The following PIEZO2 variants were observed in gnomAD, a reference collection of about 807,000 sequenced individuals.
PIEZO2 encodes the protein piezo type mechanosensitive ion channel component 2.
In PIEZO2, 172 loss-of-function variants were observed where a neutral mutation model predicts 337.3. The observed-to-expected ratio is 0.51, with a 90% confidence interval of 0.45 to 0.58. PIEZO2 has a LOEUF of 0.58. Among genes scored for constraint, PIEZO2 ranks in the 20% least tolerant of loss-of-function variants. PIEZO2 has a pLI of 0.00. For synonymous variants in PIEZO2, 1,251 were observed against 1,228.5 expected, an observed-to-expected ratio of 1.02 and a Z score of -0.38; for missense variants, 3,028 against 3,391.3, an observed-to-expected ratio of 0.89 and a Z score of 2.66.
At chr18:10,755,921 G>A (rs140131649) in intron 27 of PIEZO2, among the ~76,000 whole-genome samples, 1,942 of 151,526 alleles carry the variant, frequency 0.013, 52 homozygotes, top group African/African-American at 0.044. Context: ...TGAGGAGGAG[G>A]GATGGGGGAT....
chr18:10,989,759 GATAAATT>G (rs1195562326), intron 2 of PIEZO2, among the ~76,000 whole-genome samples: 3 of 152,070 alleles, frequency 2.0e-5, no homozygotes, highest in Non-Finnish European at 2.9e-5. Flanking sequence ...AGCTATTGTA[GATAAATT>G]ATAACTAAAT....
intron 7 of PIEZO2, among the ~76,000 whole-genome samples, chr18:10,827,370 A>G (rs1388352545): frequency 6.6e-6 from 1 of 152,212 alleles, no homozygotes; most frequent in African/African-American, 2.4e-5. Flanking sequence ...TAGTAACTAC[A>G]AAGACTTTTG....
chr18:11,097,397 G>A lies in PIEZO2; in HGVS notation c.65-31175C>T, dbSNP rs548872157. ...CAACAGAGCCGGCGTGCTGTGCAAC[G>A]CCTGACTCATTAACTGCCCGGCCCC... On this transcript the variant is annotated intron_variant, in intron 1 of 55. Transcript: ENST00000674853. The surrounding 1 kb of genome is among the most constrained non-coding windows in gnomAD (Gnocchi z 5.0). Among the ~76,000 whole-genome samples the A allele has an allele frequency of 4.9e-4, 75 of 152,280 alleles. No homozygotes were observed. The highest frequency in any genetic ancestry group is 1.4e-3 in the East Asian group (7 of 5,172).
chr18:10,916,107 AG>A (rs1352422660), intron 3 of PIEZO2, among the ~76,000 whole-genome samples: 2 of 152,106 alleles, frequency 1.3e-5, no homozygotes, highest in African/African-American at 4.8e-5. Context: ...CTAGACACAG[AG>A]CACTGATTGG....
At chr18:10,769,541 A>T (rs900580299) in intron 21 of PIEZO2, among the ~76,000 whole-genome samples, 3 of 151,906 alleles carry the variant, frequency 2.0e-5, no homozygotes, top group Non-Finnish European at 4.4e-5. Context: ...ATTGTAACCA[A>T]CTCAGAAATA....
At chr18:10,752,344 G>A (rs1386252631) in intron 28 of PIEZO2, among the ~76,000 whole-genome samples, 4 of 152,160 alleles carry the variant, frequency 2.6e-5, no homozygotes, top group Non-Finnish European at 5.9e-5. Flanking sequence ...ATGACAAATT[G>A]TTCCTCAGAA....
rs2033794998 is a variant in PIEZO2 at position 10,671,868 on chromosome 18, C to T, written c.8346-89G>A. The T allele has an allele frequency of 4.2e-6, 5 of 1,195,340 alleles. No individual in the cohort carries two copies. The Admixed American group carries it at 1.4e-4, about 33-fold the overall frequency. The allele number at this position is 1,195,340 out of a possible 1,614,324, so 74.0% of individuals were successfully genotyped here. A position where few individuals can be genotyped will look rare whatever the true frequency, so the allele number is the denominator to read the frequency against. ...GTCTAAAAGAAAAAAATATTACTTT[C>T]CCTCAAATTCTGTAGAAGAAATAAG... On this transcript the variant is annotated intron_variant, in intron 55 of 55. Transcript: ENST00000674853.
intron 39 of PIEZO2, among the ~76,000 whole-genome samples, chr18:10,712,481 C>T (rs55700197): frequency 0.013 from 2,045 of 152,234 alleles, 55 homozygotes; most frequent in African/African-American, 0.045. Context: ...CATCTGGAAG[C>T]TTCTAAATAG....
chr18:10,903,135 G>T lies in PIEZO2; in HGVS notation c.329+8051C>A, dbSNP rs1488724858. On this transcript the variant is annotated intron_variant, in intron 4 of 55. Transcript: ENST00000674853. This position sits in a 1 kb window ranked among gnomAD's most constrained non-coding sequence, Gnocchi z 4.1. ...ACGCTGACAGTCAATTATTCACCAA[G>T]TTGTAACTTCGAATTCTACTTACCT... Among the ~76,000 whole-genome samples, 1 of 152,120 alleles carries T rather than the reference G, an allele frequency of 6.6e-6. No individual in the cohort carries two copies. The highest frequency in any genetic ancestry group is 1.5e-5 in the Non-Finnish European group (1 of 68,028).
At chr18:10,806,736 A>C (rs1161700093) in intron 8 of PIEZO2, among the ~76,000 whole-genome samples, 3 of 152,224 alleles carry the variant, frequency 2.0e-5, no homozygotes, top group Admixed American at 6.5e-5. Flanking sequence ...AAAAACTGAC[A>C]TCTCTAACCT....
intron 3 of PIEZO2, among the ~76,000 whole-genome samples, chr18:10,947,355 T>C (rs767176693): frequency 2.6e-5 from 4 of 152,138 alleles, no homozygotes; most frequent in Non-Finnish European, 4.4e-5. Flanking sequence ...AGTGACACAA[T>C]ATTTTTCAAG....
intron 3 of PIEZO2, among the ~76,000 whole-genome samples, chr18:10,925,819 C>T (rs938405046): frequency 1.3e-5 from 2 of 152,204 alleles, no homozygotes; most frequent in Non-Finnish European, 2.9e-5. Context: ...CTGCCCGCCT[C>T]AGCCTCCCAA....
chr18:10,898,488 A>G (rs1178396160), intron 4 of PIEZO2, among the ~76,000 whole-genome samples: 1 of 152,220 alleles, frequency 6.6e-6, no homozygotes, highest in Admixed American at 6.5e-5. Flanking sequence ...AAGGAAAGTT[A>G]AAATGTGTGC....
chr18:11,076,464 T>C (rs1448416387), intron 1 of PIEZO2, among the ~76,000 whole-genome samples: 1 of 152,144 alleles, frequency 6.6e-6, no homozygotes, highest in Non-Finnish European at 1.5e-5. Context: ...GAAAAAAGGC[T>C]TTGGTCTGAA....
intron 8 of PIEZO2, among the ~76,000 whole-genome samples, chr18:10,806,450 C>T (rs1054418164): frequency 2.0e-5 from 3 of 152,116 alleles, no homozygotes; most frequent in Non-Finnish European, 4.4e-5. Context: ...CTCAGAAATG[C>T]TGTGTCCTTG....
At chr18:10,685,779 A>G (rs1176609985) in intron 49 of PIEZO2, among the ~76,000 whole-genome samples, 1 of 152,210 alleles carries the variant, frequency 6.6e-6, no homozygotes, top group Non-Finnish European at 1.5e-5. Context: ...CAGTTTCCCG[A>G]GCCTTCTGGC....
rs953141453 is a variant in PIEZO2 at position 10,942,875 on chromosome 18, T to C, written c.287-31647A>G. 2.6e-5 allele frequency among the ~76,000 whole-genome samples: 4 copies of C among 152,132 alleles called. No homozygotes were observed. Among genetic ancestry groups the C allele is most frequent in the Non-Finnish European group, 4.4e-5 (3 of 68,016 alleles). Reference sequence around the variant, plus strand: ...CAGGGTCCCCGTGCTGTGTGCAGCCTAGGGAATTGGTGCCCTGCGTCCCAG... The same window carrying C: ...CAGGGTCCCCGTGCTGTGTGCAGCCCAGGGAATTGGTGCCCTGCGTCCCAG... On this transcript the variant is annotated intron_variant, in intron 3 of 55. Coordinates refer to ENST00000674853, the MANE Select transcript of PIEZO2 (RefSeq NM_001378183.1). This position sits in a 1 kb window ranked among gnomAD's most constrained non-coding sequence, Gnocchi z 4.4.
Position 10,807,108 on chromosome 18 carries a change from T to G in PIEZO2, c.1080+4A>C. 1 of 1,533,116 alleles carries G rather than the reference T, an allele frequency of 6.5e-7. No individual in the cohort carries two copies. Among genetic ancestry groups the G allele is most frequent in the Non-Finnish European group, 8.7e-7 (1 of 1,144,554 alleles). The allele number at this position is 1,533,116 out of a possible 1,614,324, so 95.0% of individuals were successfully genotyped here. ...CAAGATCATGAAAATGTTTTTGTCC[T>G]TACAAGGGGCTCTTGCAGCCAGATG... On this transcript the variant is annotated splice_donor_region_variant and intron_variant, in intron 8 of 55. Coordinates refer to ENST00000674853, the MANE Select transcript of PIEZO2 (RefSeq NM_001378183.1).
chr18:10,770,845 C>A (rs1918677), intron 20 of PIEZO2, among the ~76,000 whole-genome samples: 123,548 of 151,434 alleles, frequency 0.82, 50,751 homozygotes, highest in East Asian at 0.93. Flanking sequence ...TGAGTTCAAG[C>A]GATTCTCCTT....
Sources: gnomAD v4.1 joint callset for allele counts (sites outside exome capture counted in the v4.1 genomes callset) on GRCh38, gnomAD v4.1.1 for gene constraint, Gnocchi (gnomAD v3.1) non-coding constraint, MANE v1.5 for transcripts, NCBI Gene and HGNC (gene_info 2026-07-23, HGNC 2026-07-21) for gene names.